The following EIF3D variants were observed in gnomAD, a reference collection of about 807,000 sequenced individuals.
EIF3D encodes the protein eIF3 p66.
EIF3D carries 10 observed loss-of-function variants against 75.4 expected under a neutral mutation model. The ratio of observed to expected loss-of-function variants is 0.13; its 90% confidence interval spans 0.08 to 0.22. The LOEUF (loss-of-function observed/expected upper bound fraction) is 0.22. EIF3D is among the 10% of genes least tolerant of loss of function. EIF3D has a pLI of 1.00. For missense variants in EIF3D, 394 were observed against 708.0 expected (o/e 0.56, Z 5.03); for synonymous variants, 246 against 248.3 (o/e 0.99, Z 0.09).
At chr22:36,518,006 C>T (rs1476817716) in intron 9 of EIF3D, among the ~76,000 whole-genome samples, 1 of 152,080 alleles carries the variant, frequency 6.6e-6, no homozygotes, top group Non-Finnish European at 1.5e-5. Flanking sequence ...CCTCGGCCTC[C>T]CAAAGTGGCA....
intron 5 of EIF3D, 85 bp downstream of exon 5, chr22:36,523,809 CA>C: frequency 7.8e-7 from 1 of 1,280,396 alleles, no homozygotes; most frequent in Non-Finnish European, 1.1e-6. Flanking sequence ...GTGGGGAATA[CA>C]ACCATCCTCC....
chr22:36,525,857 T>A, intron 2 of EIF3D, 142 bp downstream of exon 2: 2 of 1,458,858 alleles, frequency 1.4e-6, no homozygotes, highest in Non-Finnish European at 1.9e-6. Context: ...CTTCTATGAC[T>A]ACACCCAGAG....
intron 7 of EIF3D, among the ~76,000 whole-genome samples, chr22:36,520,160 AT>A (rs35646898): frequency 6.6e-4 from 96 of 146,032 alleles, no homozygotes; most frequent in Non-Finnish European, 6.9e-4. Flanking sequence ...CTTGGTCTTG[AT>A]TTTTTTTTTT....
At chr22:36,516,096 C>T (rs977709564) in intron 12 of EIF3D, 4 of 171,678 alleles carry the variant, frequency 2.3e-5, no homozygotes, top group Non-Finnish European at 2.5e-5. Context: ...AAAAGAAGAG[C>T]GGCCAGACTT....
chr22:36,511,043 T>G (rs371069401), intron 14 of EIF3D, 43 bp from the exon 15 acceptor site: 185 of 1,594,538 alleles, frequency 1.2e-4, no homozygotes, highest in Non-Finnish European at 2.6e-5. Context: ...CCAGGTTGTG[T>G]GATATGATGT....
intron 12 of EIF3D, chr22:36,516,189 G>A (rs1049891408): frequency 6.7e-6 from 2 of 297,704 alleles, no homozygotes; most frequent in Non-Finnish European, 1.3e-5. Flanking sequence ...GGCCACAATG[G>A]AACAGAGATG....
chr22:36,516,471 G>A lies in EIF3D; in HGVS notation c.1206+7C>T, dbSNP rs749729854. ...TCACCAGGAGGGTGATGGAGATGGC[G>A]GCTCACCCTGGAATCCCACTCATTG... On this transcript the variant is annotated splice_region_variant and intron_variant, in intron 12 of 14. Coordinates refer to ENST00000216190, the MANE Select transcript of EIF3D (RefSeq NM_003753.4). The A allele has an allele frequency of 6.2e-6, 10 of 1,612,598 alleles. No individual in the cohort carries two copies. The highest frequency in any genetic ancestry group is 5.0e-5 in the Admixed American group (3 of 59,964).
In EIF3D at chr22:36,529,142, C is replaced by T. The variant is rs1482899150; in HGVS notation, c.-77G>A. On this transcript the variant is annotated 5_prime_UTR_variant, in exon 1 of 15. Transcript: ENST00000216190. ...GTGCCGGGGACCGCGTTAGCAGCAG[C>T]ACTCTTGAGAAACCAGGAAAAGAGG... 6 of 396,560 alleles carry T rather than the reference C, an allele frequency of 1.5e-5. No individual in the cohort carries two copies. Among genetic ancestry groups the T allele is most frequent in the Admixed American group, 4.4e-5 (1 of 22,686 alleles). The allele number at this position is 396,560 out of a possible 1,614,324, so 24.6% of individuals were successfully genotyped here. A position where few individuals can be genotyped will look rare whatever the true frequency, so the allele number is the denominator to read the frequency against.
Position 36,511,011 on chromosome 22 carries a change from CA to C in EIF3D, c.1634-12del. The C allele has an allele frequency of 1.2e-6, 2 of 1,606,658 alleles. No individual in the cohort carries two copies. Among genetic ancestry groups the C allele is most frequent in the South Asian group, 1.1e-5 (1 of 89,996 alleles). On this transcript the variant is annotated splice_polypyrimidine_tract_variant and intron_variant, in intron 14 of 14. Transcript: ENST00000216190. Reference sequence around the variant, plus strand: ...TTTAAGTTTCTTCCTCTGAAAGACACAAAAAATGTAAGAGAAATGAGCCAGG... The same window carrying C: ...TTTAAGTTTCTTCCTCTGAAAGACACAAAAATGTAAGAGAAATGAGCCAGG...
At chr22:36,522,435 C>T (rs904469206) in intron 6 of EIF3D, among the ~76,000 whole-genome samples, 1 of 152,176 alleles carries the variant, frequency 6.6e-6, no homozygotes, top group African/African-American at 2.4e-5. Flanking sequence ...ATATATGTGG[C>T]TACCACAGGC....
At chr22:36,520,788 C>T in intron 6 of EIF3D, 100 bp from the exon 7 acceptor site, 2 of 750,554 alleles carry the variant, frequency 2.7e-6, no homozygotes, top group East Asian at 2.9e-5. Flanking sequence ...GGTGCAGTGG[C>T]TCATGCCTGT....
In EIF3D at chr22:36,523,901, TTC is replaced by T. The variant is rs1934554917; in HGVS notation, c.384_385del (p.Lys129ArgfsTer18). 6.2e-7 allele frequency: 1 copy of T among 1,613,972 alleles called. No individual in the cohort carries two copies. The stretch of plus-strand genomic sequence containing the variant: ...AGCAGGATGAAAATCTCACCTCTCT[TTC>T]TGTTTGGCACTCTTAGGCAGGATCT... On this transcript the variant is annotated frameshift_variant, in exon 5 of 15. Coordinates refer to ENST00000216190, the MANE Select transcript of EIF3D (RefSeq NM_003753.4). LOFTEE classifies it high-confidence loss of function.
chr22:36,516,330 A>G lies in EIF3D; in HGVS notation c.1206+148T>C, dbSNP rs1934425966. 4.3e-6 allele frequency: 4 copies of G among 940,654 alleles called. No homozygotes were observed. In the Admixed American group the frequency reaches 8.3e-5, roughly 19 times the overall value. The allele number at this position is 940,654 out of a possible 1,614,324, so 58.3% of individuals were successfully genotyped here. ...AGCAAGGAACTAAGCAGAGGAAAAA[A>G]CTCACAAGACAAAAAAAAACATCCA... On this transcript the variant is annotated intron_variant, in intron 12 of 14. Coordinates refer to ENST00000216190, the MANE Select transcript of EIF3D (RefSeq NM_003753.4).
In EIF3D at chr22:36,511,640, A is replaced by C. The variant is rs774885711; in HGVS notation, c.1496T>G (p.Met499Arg). ...GILRCVIDIC[M>R]KLEEGKYLIL... ...GAGGTATTTGCCCTCCTCCAGCTTC[A>C]TGCAGATGTCAATGACGCAGCGTAA... The change falls in exon 14 of 15, where the codon ATG (methionine) becomes AGG (arginine). Residue 499 changes from methionine (M) to arginine (R), a missense_variant. Transcript: ENST00000216190. The C allele has an allele frequency of 6.2e-7, 1 of 1,614,134 alleles. No homozygotes were observed. Among genetic ancestry groups the C allele is most frequent in the South Asian group, 1.1e-5 (1 of 91,086 alleles).
At chr22:36,515,644 G>A (rs1934412013) in intron 12 of EIF3D, among the ~76,000 whole-genome samples, 1 of 152,212 alleles carries the variant, frequency 6.6e-6, no homozygotes, top group East Asian at 1.9e-4. Flanking sequence ...TAATACAGAA[G>A]TATGTATGGC....
At chr22:36,519,346 A>G in intron 8 of EIF3D, 59 bp downstream of exon 8, 1 of 1,605,232 alleles carries the variant, frequency 6.2e-7, no homozygotes, top group Non-Finnish European at 8.5e-7. Flanking sequence ...CTGCAGCTTC[A>G]GCTGTAGAAG....
chr22:36,515,462 A>C (rs1934407917), intron 12 of EIF3D, among the ~76,000 whole-genome samples: 1 of 152,190 alleles, frequency 6.6e-6, no homozygotes, highest in South Asian at 2.1e-4. Context: ...CGGGAGGTAG[A>C]GGTTGCAGTG....
chr22:36,511,188 A>C (rs765955905), intron 14 of EIF3D, 188 bp from the exon 15 acceptor site: 6 of 839,752 alleles, frequency 7.1e-6, no homozygotes, highest in Non-Finnish European at 1.1e-5. Flanking sequence ...CAGGAGAGAC[A>C]ACTTTCAGGC....
chr22:36,516,691 G>A lies in EIF3D; in HGVS notation c.1076+14C>T. 3 of 1,614,200 alleles carry A rather than the reference G, an allele frequency of 1.9e-6. No homozygotes were observed. The highest frequency in any genetic ancestry group is 2.5e-6 in the Non-Finnish European group (3 of 1,179,998). ...TCCAGTCTGGCCACAATACCCACCA[G>A]AGAGGTGACCTACCGGTACGCAACA... is the stretch of plus-strand genomic sequence containing the variant. On this transcript the variant is annotated intron_variant, in intron 11 of 14. Coordinates refer to ENST00000216190, the MANE Select transcript of EIF3D (RefSeq NM_003753.4).
Sources: gnomAD v4.1 joint callset for allele counts (sites outside exome capture counted in the v4.1 genomes callset) on GRCh38, gnomAD v4.1.1 for gene constraint, MANE v1.5 for transcripts, NCBI Gene and HGNC (gene_info 2026-07-23, HGNC 2026-07-21) for gene names.